The following DZIP1L variants were observed in gnomAD, a reference collection of about 807,000 sequenced individuals.
The protein encoded by DZIP1L is DAZ interacting zinc finger protein 1 like.
Under a neutral mutation model 88.7 loss-of-function variants are expected in DZIP1L, and 90 were observed. The ratio of observed to expected loss-of-function variants is 1.02; its 90% CI spans 0.86 to 1.21. The LOEUF is 1.21. DZIP1L is among the 50% of genes most tolerant of loss of function. DZIP1L has a pLI of 0.00. For missense variants in DZIP1L, 932 were observed against 955.8 expected (o/e 0.98, Z 0.33); for synonymous variants, 363 against 372.1 (o/e 0.98, Z 0.28).
chr3:138,114,272 T>C (rs544610914), intron 1 of DZIP1L, among the ~76,000 whole-genome samples: 2 of 152,342 alleles, frequency 1.3e-5, no homozygotes, highest in Admixed American at 6.5e-5. Context: ...AAAAAACCTT[T>C]GACCAAATAT....
In DZIP1L at chr3:138,063,611, A is replaced by G. The variant is rs1419559458; in HGVS notation, c.2143-634T>C. Among the ~76,000 whole-genome samples the G allele has an allele frequency of 6.6e-6, 1 of 152,238 alleles. No individual in the cohort carries two copies. Among genetic ancestry groups the G allele is most frequent in the Non-Finnish European group, 1.5e-5 (1 of 68,038 alleles). ...CCCTGCTGGCCACCTGGGCTTTGATACAAGCCATCCTATGCATCTTCTCCA... is the reference window on the plus strand; with the variant it reads ...CCCTGCTGGCCACCTGGGCTTTGATGCAAGCCATCCTATGCATCTTCTCCA... On this transcript the variant is annotated intron_variant, in intron 15 of 15. Coordinates refer to ENST00000327532, the MANE Select transcript of DZIP1L (RefSeq NM_173543.3). This position sits in a 1 kb window ranked among gnomAD's most constrained non-coding sequence, Gnocchi z 4.1.
intron 7 of DZIP1L, among the ~76,000 whole-genome samples, chr3:138,086,121 T>G (rs1279547814): frequency 2.3e-4 from 31 of 135,550 alleles, no homozygotes; most frequent in African/African-American, 3.7e-4. Context: ...GTGGGGGGAG[T>G]GGGGAGGGAT....
At chr3:138,071,895 A>C in intron 11 of DZIP1L, 60 bp from the exon 12 acceptor site, 1 of 1,497,630 alleles carries the variant, frequency 6.7e-7, no homozygotes, top group African/African-American at 1.4e-5. Flanking sequence ...CCTTCCCCTA[A>C]GCCTCTCACA....
chr3:138,100,056 C>T (rs1242697946), intron 2 of DZIP1L, among the ~76,000 whole-genome samples: 1 of 150,098 alleles, frequency 6.7e-6, no homozygotes, highest in African/African-American at 2.5e-5. Flanking sequence ...CTCATCAGCT[C>T]TCATTACGAT....
intron 2 of DZIP1L, chr3:138,102,890 AG>A: frequency 1.6e-6 from 1 of 630,662 alleles, no homozygotes; most frequent in Non-Finnish European, 2.9e-6. Flanking sequence ...GGCACCTTGT[AG>A]GACTTCTGGG....
Position 138,077,536 on chromosome 3 carries a change from G to T in DZIP1L, c.1385C>A (p.Thr462Asn). 6.2e-7 allele frequency: 1 copy of T among 1,614,164 alleles called. No homozygotes were observed. Among genetic ancestry groups the T allele is most frequent in the Non-Finnish European group, 8.5e-7 (1 of 1,180,036 alleles). ...CATGCTTTCGAGCTTCTCTTCCAGG[G>T]TGTCCTCCAGGATTGGTCTGAAGTG... The part of the protein sequence containing the change: ...LKHFRPILED[T>N]LEEKLESMGI... The change falls in exon 11 of 16, where the codon ACC becomes AAC. Residue 462 changes from threonine to asparagine, a missense_variant. Coordinates refer to ENST00000327532, the MANE Select transcript of DZIP1L (RefSeq NM_173543.3).
chr3:138,074,248 A>T, intron 11 of DZIP1L, among the ~76,000 whole-genome samples: 1 of 152,210 alleles, frequency 6.6e-6, no homozygotes, highest in East Asian at 1.9e-4. Context: ...TCACCTAAGC[A>T]CATAGTCAAC....
At chr3:138,072,378 C>G (rs2058622452) in intron 11 of DZIP1L, among the ~76,000 whole-genome samples, 1 of 152,152 alleles carries the variant, frequency 6.6e-6, no homozygotes, top group Admixed American at 6.5e-5. Flanking sequence ...AGGATTCATG[C>G]AAGGTTAGAA....
intron 11 of DZIP1L, among the ~76,000 whole-genome samples, chr3:138,075,607 C>T (rs6783053): frequency 0.06 from 9,189 of 152,258 alleles, 939 homozygotes; most frequent in African/African-American, 0.21. Context: ...TTTGACTGAA[C>T]GATAATAGTG....
chr3:138,091,005 T>C (rs13100360), intron 5 of DZIP1L, among the ~76,000 whole-genome samples: 92,649 of 150,650 alleles, frequency 0.61, 29,629 homozygotes, highest in Non-Finnish European at 0.7. Context: ...TACCTCAGCC[T>C]CCCAAGCAGC....
At chr3:138,110,708 C>A (rs1361918120) in intron 1 of DZIP1L, among the ~76,000 whole-genome samples, 1 of 152,170 alleles carries the variant, frequency 6.6e-6, no homozygotes, top group Non-Finnish European at 1.5e-5. Flanking sequence ...ACTATCCCTG[C>A]CGTTGTTAAT....
intron 2 of DZIP1L, among the ~76,000 whole-genome samples, 193 bp from the exon 3 acceptor site, chr3:138,098,040 C>T (rs1334005898): frequency 6.6e-6 from 1 of 152,220 alleles, no homozygotes; most frequent in Non-Finnish European, 1.5e-5. Flanking sequence ...AAAATACTAC[C>T]AGTGTCCCGG....
intron 12 of DZIP1L, among the ~76,000 whole-genome samples, chr3:138,068,650 G>C (rs974670201): frequency 5.3e-5 from 8 of 152,136 alleles, no homozygotes; most frequent in Non-Finnish European, 7.4e-5. Context: ...CCGCGGGCCT[G>C]AAGAGGGGCT....
intron 1 of DZIP1L, among the ~76,000 whole-genome samples, chr3:138,108,411 C>T (rs1241994260): frequency 6.6e-6 from 1 of 152,130 alleles, no homozygotes; most frequent in African/African-American, 2.4e-5. Flanking sequence ...ACAGTCCTCT[C>T]TCTAATAATA....
intron 10 of DZIP1L, 177 bp downstream of exon 10, chr3:138,080,390 C>G (rs903733242): frequency 8.6e-5 from 50 of 579,288 alleles, no homozygotes; most frequent in Non-Finnish European, 1.4e-4. Context: ...ATGTTAGTAC[C>G]TGCATGTCAC....
intron 1 of DZIP1L, among the ~76,000 whole-genome samples, chr3:138,105,094 A>G (rs1470521294): frequency 6.6e-6 from 1 of 152,186 alleles, no homozygotes; most frequent in Non-Finnish European, 1.5e-5. Flanking sequence ...ACTGATATGA[A>G]ATGATAATCT....
chr3:138,087,942 G>A (rs754064370), intron 6 of DZIP1L, among the ~76,000 whole-genome samples: 1 of 152,160 alleles, frequency 6.6e-6, no homozygotes, highest in African/African-American at 2.4e-5. Flanking sequence ...GCAGGAAATC[G>A]GCCATGCTGG....
chr3:138,064,411 T>G (rs1335459366), intron 15 of DZIP1L: 1 of 1,470,248 alleles, frequency 6.8e-7, no homozygotes, highest in Non-Finnish European at 9.0e-7. Flanking sequence ...GCTTATATAA[T>G]GAACCAAAAG....
At chr3:138,083,119 T>TAA (rs913303215) in intron 8 of DZIP1L, among the ~76,000 whole-genome samples, 30 of 152,306 alleles carry the variant, frequency 2.0e-4, no homozygotes, top group Admixed American at 5.2e-4. Flanking sequence ...CATTTGCAAA[T>TAA]AAGAGTTCTG....
Sources: gnomAD v4.1 joint callset for allele counts (sites outside exome capture counted in the v4.1 genomes callset) on GRCh38, gnomAD v4.1.1 for gene constraint, Gnocchi (gnomAD v3.1) non-coding constraint, MANE v1.5 for transcripts, NCBI Gene and HGNC (gene_info 2026-07-23, HGNC 2026-07-21) for gene names.